The following ZNF316 variants were observed in gnomAD, a reference collection of about 807,000 sequenced individuals.
The protein encoded by ZNF316 is zinc finger protein 316.
ZNF316 carries 23 observed loss-of-function variants against 75.6 expected under a neutral mutation model. The ratio of observed to expected loss-of-function variants is 0.30; its 90% CI spans 0.22 to 0.43. The LOEUF is 0.43. Ranked by LOEUF, ZNF316 falls within the 20% of genes least tolerant of loss-of-function variation. ZNF316 has a pLI of 1.00. For missense variants in ZNF316, 1,266 were observed against 1,409.4 expected, an observed-to-expected ratio of 0.90 and a Z score of 1.63; for synonymous variants, 827 against 666.2, an observed-to-expected ratio of 1.24 and a Z score of -3.72.
rs554115314 is a variant in ZNF316, at chr7:6,637,784, C to T, written c.-430-62C>T. On this transcript the variant is annotated intron_variant, in intron 1 of 8. Transcript: ENST00000382252. The surrounding 1 kb of genome is among the most constrained non-coding windows in gnomAD (Gnocchi z 6.2). ...GCCCACGCCTTCTCGGCCGCAGCGG[C>T]AGGGGCTGGGCCGCGGCCGCCCCCA... 1 of 152,218 alleles carries T rather than the reference C, an allele frequency of 6.6e-6. No homozygotes were observed. Among genetic ancestry groups the T allele is most frequent in the South Asian group, 2.1e-4 (1 of 4,834 alleles). The allele number at this position is 152,218 out of a possible 1,614,324, so 9.4% of individuals were successfully genotyped here. A position where few individuals can be genotyped will look rare whatever the true frequency, so the allele number is the denominator to read the frequency against.
At chr7:6,644,813 A>T (rs914573371) in intron 8 of ZNF316, among the ~76,000 whole-genome samples, 1 of 152,186 alleles carries the variant, frequency 6.6e-6, no homozygotes, top group African/African-American at 2.4e-5. Context: ...TTTAAAAATG[A>T]TACCCTGCCC....
chr7:6,653,760 G>C lies in ZNF316; in HGVS notation c.2164G>C (p.Ala722Pro), dbSNP rs1450001007. The change falls in exon 9 of 9, where the codon GCC (alanine) becomes CCC (proline). Residue 722 changes from alanine (A) to proline (P), a missense_variant. By Grantham distance (27) the Ala-to-Pro change is conservative (BLOSUM62 -1). Coordinates refer to ENST00000382252, the MANE Select transcript of ZNF316 (RefSeq NM_001278559.2). ...YHAGERPHRC[A>P]DCGKSFVYGS... ...CGCGGGCGAGCGGCCGCATCGCTGC[G>C]CCGACTGCGGCAAGAGCTTCGTGTA... 63 of 1,091,856 alleles carry C rather than the reference G, an allele frequency of 5.8e-5. No homozygotes were observed. Among genetic ancestry groups the C allele is most frequent in the Non-Finnish European group, 7.0e-5 (63 of 896,900 alleles). 67.6% of individuals were successfully genotyped at this position (1,091,856 alleles called of 1,614,324 possible). A position where few individuals can be genotyped will look rare whatever the true frequency, so the allele number is the denominator to read the frequency against.
Sources: gnomAD v4.1 joint callset for allele counts (sites outside exome capture counted in the v4.1 genomes callset) on GRCh38, gnomAD v4.1.1 for gene constraint, Gnocchi (gnomAD v3.1) non-coding constraint, MANE v1.5 for transcripts, NCBI Gene and HGNC (gene_info 2026-07-23, HGNC 2026-07-21) for gene names.